ARL6IP4: variants seen among roughly 807,000 people sequenced by gnomAD.
ARL6IP4 encodes ARF like GTPase 6 interacting protein 4.
A neutral mutation model predicts 28.1 loss-of-function variants in ARL6IP4; 24 were observed. The observed-to-expected ratio is 0.86, with a 90% confidence interval of 0.62 to 1.20. The LOEUF (loss-of-function observed/expected upper bound fraction) is 1.20, where lower values mean the gene tolerates loss of function less well. Among genes scored for constraint, ARL6IP4 ranks in the 50% most tolerant of loss-of-function variants. The pLI is 0.00. For synonymous variants in ARL6IP4, 162 were observed against 122.3 expected (o/e 1.32, Z -2.14); for missense variants, 343 against 302.4 (o/e 1.13, Z -1.00).
Position 122,981,153 on chromosome 12 carries a change from G to T in ARL6IP4, c.14G>T (p.Gly5Val), listed in dbSNP as rs1489508817. MAHV[G>V]SRKRSRSRSR... ...GCCCGCGGCGCCATGGCTCACGTCG[G>T]CTCCCGCAAGCGCTCGAGGAGTCGC... Residue 5 changes from glycine (G) to valine (V), a missense_variant, in exon 2 of 6, where the codon GGC (glycine) becomes GTC (valine). Transcript: ENST00000315580. 6.5e-7 allele frequency: 1 copy of T among 1,548,970 alleles called. No homozygotes were observed. The highest frequency in any genetic ancestry group is 2.0e-5 in the Admixed American group (1 of 50,914).
At position 122,982,040 on chromosome 12, in the gene ARL6IP4, C is replaced by T. The variant is rs756356882; in HGVS notation, c.553C>T (p.Arg185Cys). The T allele has an allele frequency of 1.7e-5, 28 of 1,613,508 alleles. No individual in the cohort carries two copies. The highest frequency in any genetic ancestry group is 2.2e-5 in the South Asian group (2 of 91,086). Residue 185 changes from arginine (R) to cysteine (C), a missense_variant, in exon 4 of 6, where the codon CGC becomes TGC. Transcript: ENST00000315580. ...GTGGGATGCCCGGCAGAGCATCATC[C>T]GCAAGGTGGTGGACCCTGAGACGGG... Reference protein sequence around the residue: ...EEWDARQSIIRKVVDPETGRT... With the variant: ...EEWDARQSIICKVVDPETGRT...
chr12:122,980,639 TCCCAGCCGGCCAGCCTCCCGCGCAGCGC>T, upstream of ARL6IP4: 2 of 1,400,226 alleles, frequency 1.4e-6, no homozygotes, highest in Non-Finnish European at 1.9e-6. Flanking sequence ...GCGCCGCGCT[TCCCAGCCGGCCAGCCTCCCGCGCAGCGC>T]CCCGGCCGGA....
rs774625176 is a variant in ARL6IP4 at position 122,981,602 on chromosome 12, C to A, written c.192C>A (p.Ser64Arg). ...CTTCTCCCTGCATCACAGAGAGAAG[C>A]AAGCAGAAGGCCCGGAGGAGAACAA... The part of the protein sequence containing the change: ...ASPSPCITER[S>R]KQKARRRTRS... The change falls in exon 3 of 6, where the codon AGC becomes AGA. Residue 64 changes from serine (S) to arginine (R), a missense_variant. Ser to Arg is a moderately radical substitution (Grantham distance 110). Transcript: ENST00000315580. 3.2e-5 allele frequency: 50 copies of A among 1,559,464 alleles called. No homozygotes were observed. Among genetic ancestry groups the A allele is most frequent in the Non-Finnish European group, 3.4e-5 (39 of 1,154,528 alleles).
chr12:122,980,871 C>T (rs2037614248), intron 1 of ARL6IP4, 126 bp downstream of exon 1: 3 of 1,346,832 alleles, frequency 2.2e-6, no homozygotes, highest in African/African-American at 1.5e-5. Flanking sequence ...GGCCAGTTCC[C>T]AGGGGTTTGG....
Position 122,981,102 on chromosome 12 carries a change from G to A in ARL6IP4, c.-11-27G>A, listed in dbSNP as rs749482484. Reference sequence around the variant, plus strand: ...CCCGCGGCCGGCCTTGGGGGCTTCGGCTCAAGCGCGTCTTCTTCGTCGCCA... The same window carrying A: ...CCCGCGGCCGGCCTTGGGGGCTTCGACTCAAGCGCGTCTTCTTCGTCGCCA... On this transcript the variant is annotated intron_variant, in intron 1 of 5. Coordinates refer to ENST00000315580, the MANE Select transcript of ARL6IP4 (RefSeq NM_018694.4). The A allele has an allele frequency of 1.4e-4, 211 of 1,544,706 alleles. 2 individuals carry two copies. The Middle Eastern group carries it at 4.6e-3, about 34-fold the overall frequency.
In ARL6IP4 at chr12:122,982,708, G is replaced by A. The variant is rs755039696; in HGVS notation, c.*32G>A. 1.6e-5 allele frequency: 25 copies of A among 1,604,734 alleles called. 1 individual carries two copies. In the South Asian group the frequency reaches 2.3e-4, roughly 15 times the overall value. ...CCGCTGGCCAAGGCCTGTGGACGAC[G>A]CTGGCGGCCCAGCCTGGGCAGGTTT... is the stretch of plus-strand genomic sequence containing the variant. On this transcript the variant is annotated 3_prime_UTR_variant, in exon 6 of 6. Transcript: ENST00000315580.
rs1356257192 is a variant in ARL6IP4 at position 122,981,208 on chromosome 12, G to A, written c.69G>A (p.Lys23=). ...GGTCCCGGGGACGGGGGTCGGAAAA[G>A]AGAAAGAAGAAGAGCAGGAAAGACA... is the stretch of plus-strand genomic sequence containing the variant. ...RSRSRGRGSE[K]RKKKSRKDTS... The change falls in exon 2 of 6, where the codon AAG becomes AAA. Residue 23 remains lysine (K), a synonymous_variant. Transcript: ENST00000315580. 6.5e-6 allele frequency: 10 copies of A among 1,549,828 alleles called. No homozygotes were observed. The highest frequency in any genetic ancestry group is 2.0e-5 in the Admixed American group (1 of 50,950).
In ARL6IP4 at chr12:122,982,423, G is replaced by A. The variant is rs375492485; in HGVS notation, c.588-46G>A. ...TTGTGGTTCTGCTCCTCTGGCATTA[G>A]GGGACCTGCCTATTCCTTGCTGAAC... On this transcript the variant is annotated intron_variant, in intron 4 of 5. Transcript: ENST00000315580. The A allele has an allele frequency of 1.1e-5, 17 of 1,549,464 alleles. No homozygotes were observed. The African/African-American group carries it at 2.3e-4, about 21-fold the overall frequency.
intron 4 of ARL6IP4, 38 bp from the exon 5 acceptor site, chr12:122,982,431 G>T: frequency 1.3e-6 from 2 of 1,569,390 alleles, no homozygotes; most frequent in Non-Finnish European, 1.7e-6. Context: ...TAGGGGACCT[G>T]CCTATTCCTT....
Position 122,981,711 on chromosome 12 carries a change from C to G in ARL6IP4, c.301C>G (p.Arg101Gly), listed in dbSNP as rs370149672. 6.4e-7 allele frequency: 1 copy of G among 1,551,370 alleles called. No individual in the cohort carries two copies. The highest frequency in any genetic ancestry group is 8.7e-7 in the Non-Finnish European group (1 of 1,146,372). The change falls in exon 3 of 6, where the codon CGG becomes GGG. Residue 101 changes from arginine (R) to glycine (G), a missense_variant. Transcript: ENST00000315580. ...SSSSSSSSDG[R>G]KKRGKYKDKR... ...CTCCTCCTCTTCCTCCAGTGATGGC[C>G]GGAAGAAGCGGGGGAAGTACAAGGA...
Position 122,980,756 on chromosome 12 carries a change from A to G in ARL6IP4, c.-12+11A>G. Reference sequence around the variant, plus strand: ...CGCAGGGCGGTCGAGGTGGGAACGGAGCAGCCCCGGGGGCCCCCTTGAGGC... The same window carrying G: ...CGCAGGGCGGTCGAGGTGGGAACGGGGCAGCCCCGGGGGCCCCCTTGAGGC... On this transcript the variant is annotated intron_variant, in intron 1 of 5. Transcript: ENST00000315580. 7.6e-7 allele frequency: 1 copy of G among 1,316,088 alleles called. No individual in the cohort carries two copies. The highest frequency in any genetic ancestry group is 9.6e-7 in the Non-Finnish European group (1 of 1,037,604). The allele number at this position is 1,316,088 out of a possible 1,614,324, so 81.5% of individuals were successfully genotyped here.
At position 122,982,896 on chromosome 12, in the gene ARL6IP4, C is replaced by T. The variant is rs57110420; in HGVS notation, c.*220C>T. 16 of 601,088 alleles carry T rather than the reference C, an allele frequency of 2.7e-5. 1 individual carries two copies. Among genetic ancestry groups the T allele is most frequent in the South Asian group, 1.8e-4 (9 of 50,430 alleles). 37.2% of individuals were successfully genotyped at this position (601,088 alleles called of 1,614,324 possible). A position where few individuals can be genotyped will look rare whatever the true frequency, so the allele number is the denominator to read the frequency against. On this transcript the variant is annotated 3_prime_UTR_variant, in exon 6 of 6. Transcript: ENST00000315580. Reference sequence around the variant, plus strand: ...AGCAGCACTTCTCAGCTATTAAAGGCCCCCTGGATAGACTTTCTCTGTTCT... The same window carrying T: ...AGCAGCACTTCTCAGCTATTAAAGGTCCCCTGGATAGACTTTCTCTGTTCT...
rs750972280 is a variant in ARL6IP4 at position 122,981,556 on chromosome 12, C to T, written c.161-15C>T. 25 of 1,531,680 alleles carry T rather than the reference C, an allele frequency of 1.6e-5. No individual in the cohort carries two copies. The Admixed American group carries it at 2.6e-4, about 16-fold the overall frequency. The allele number at this position is 1,531,680 out of a possible 1,614,324, so 94.9% of individuals were successfully genotyped here. On this transcript the variant is annotated splice_polypyrimidine_tract_variant and intron_variant, in intron 2 of 5. Transcript: ENST00000315580. ...AGGGGACGAAGGTTTACCTCTTCCC[C>T]TCCTGGCCTTCCAGCCTCACCTTCT...
upstream of ARL6IP4, chr12:122,980,626 GC>G: frequency 7.1e-7 from 1 of 1,406,782 alleles, no homozygotes; most frequent in Non-Finnish European, 9.3e-7. Flanking sequence ...ACGAAAGGCA[GC>G]GGCGCCGCGC....
chr12:122,982,760 G>C lies in ARL6IP4; in HGVS notation c.*84G>C. 1.4e-6 allele frequency: 2 copies of C among 1,402,024 alleles called. No individual in the cohort carries two copies. Among genetic ancestry groups the C allele is most frequent in the South Asian group, 1.2e-5 (1 of 85,832 alleles). 86.8% of individuals were successfully genotyped at this position (1,402,024 alleles called of 1,614,324 possible). On this transcript the variant is annotated 3_prime_UTR_variant, in exon 6 of 6. Coordinates refer to ENST00000315580, the MANE Select transcript of ARL6IP4 (RefSeq NM_018694.4). ...AGGGTGCCAGTGGGAAGCCTGATGG[G>C]TGCTGGTGGCCTTTCCCCCGTGGAT...
chr12:122,981,758 G>A lies in ARL6IP4; in HGVS notation c.348G>A (p.Lys116=), dbSNP rs186833977. The A allele has an allele frequency of 1.8e-5, 28 of 1,561,272 alleles. No individual in the cohort carries two copies. The highest frequency in any genetic ancestry group is 2.1e-5 in the Non-Finnish European group (24 of 1,152,702). ...KYKDKRRKKK[K]KRKKLKKKGK... is the part of the protein sequence containing the mutation. Reference sequence around the variant, plus strand: ...AGGACAAGAGGAGGAAGAAGAAGAAGAAGAGGAAGAAGCTGAAGAAGAAGG... The same window carrying A: ...AGGACAAGAGGAGGAAGAAGAAGAAAAAGAGGAAGAAGCTGAAGAAGAAGG... The change falls in exon 3 of 6, where the codon AAG becomes AAA. Residue 116 remains lysine, a synonymous_variant. Transcript: ENST00000315580.
upstream of ARL6IP4, chr12:122,980,315 G>A: frequency 7.7e-7 from 1 of 1,293,964 alleles, no homozygotes; most frequent in African/African-American, 1.5e-5. Flanking sequence ...ACGGACACGA[G>A]TTTGCGACCT....
chr12:122,982,535 C>T lies in ARL6IP4; in HGVS notation c.654C>T (p.Asn218=), dbSNP rs1164388514. ...IVTKERHREI[N]KQATRGDCLA... is the part of the protein sequence containing the mutation. The stretch of plus-strand genomic sequence containing the variant: ...CCAAAGAACGACACAGAGAGATCAA[C>T]AAGGTGGGTGTGGCCCCTCTGCCTG... The change falls in exon 5 of 6, where the codon AAC becomes AAT. Residue 218 remains asparagine, a synonymous_variant. Coordinates refer to ENST00000315580, the MANE Select transcript of ARL6IP4 (RefSeq NM_018694.4). 3.1e-6 allele frequency: 5 copies of T among 1,614,038 alleles called. No individual in the cohort carries two copies. In the East Asian group the frequency reaches 6.7e-5, roughly 22 times the overall value.
At chr12:122,980,411 G>A, upstream of ARL6IP4, 2 of 1,367,764 alleles carry the variant, frequency 1.5e-6, no homozygotes, top group South Asian at 3.9e-5. Context: ...GACCAGCCGG[G>A]GAGGAGGGCG....
Sources: allele counts gnomAD v4.1 joint callset, GRCh38; gene constraint gnomAD v4.1.1; transcripts MANE v1.5; gene names NCBI Gene and HGNC (gene_info 2026-07-23, HGNC 2026-07-21).